Variants in DNAAF9 observed in about 807,000 individuals in gnomAD.
The protein encoded by DNAAF9 is dynein axonemal assembly factor 9, also known as shulin.
A neutral mutation model predicts 167.0 loss-of-function variants in DNAAF9; 90 were observed. The ratio of observed to expected loss-of-function variants is 0.54; its 90% CI spans 0.45 to 0.64. The LOEUF (loss-of-function observed/expected upper bound fraction) is 0.64. DNAAF9 is among the 30% of genes least tolerant of loss of function. DNAAF9 has a pLI of 0.00. For synonymous variants in DNAAF9, 491 were observed against 508.8 expected, an observed-to-expected ratio of 0.96 and a Z score of 0.47; for missense variants, 1,315 against 1,442.2, an observed-to-expected ratio of 0.91 and a Z score of 1.43.
intron 17 of DNAAF9, among the ~76,000 whole-genome samples, chr20:3,317,245 C>T (rs2069519075): frequency 6.6e-6 from 1 of 151,362 alleles, no homozygotes; most frequent in Non-Finnish European, 1.5e-5. Flanking sequence ...TCTGTGGTCC[C>T]TGCTACTTGG....
chr20:3,319,082 C>CAAAAAAAAAAAAAAA (rs71195834), intron 16 of DNAAF9, among the ~76,000 whole-genome samples: 3 of 71,136 alleles, frequency 4.2e-5, no homozygotes, highest in African/African-American at 6.2e-5. Context: ...GACTCTGTCT[C>CAAAAAAAAAAAAAAA]AAAAAAAAAA....
In DNAAF9 at chr20:3,322,669, A is replaced by G; in HGVS notation, c.1293T>C (p.Ala431=). ...ATACGCACCTTCCCTGATTATTCAC[A>G]GCATGTATATGAAAAGTCATCTTGG... ...LRSKMTFHIH[A]VNNQGRIVPL... Residue 431 remains alanine, a synonymous_variant, in exon 15 of 37, where the codon GCT becomes GCC. Coordinates refer to ENST00000252032, the MANE Select transcript of DNAAF9 (RefSeq NM_001009984.3). 1 of 1,613,122 alleles carries G rather than the reference A, an allele frequency of 6.2e-7. No individual in the cohort carries two copies. The highest frequency in any genetic ancestry group is 8.5e-7 in the Non-Finnish European group (1 of 1,179,030).
intron 7 of DNAAF9, among the ~76,000 whole-genome samples, chr20:3,354,943 C>T (rs112535499): frequency 5.3e-5 from 8 of 152,274 alleles, no homozygotes; most frequent in African/African-American, 1.4e-4. Context: ...TGCATGATGT[C>T]GCTGCTGTTC....
At chr20:3,382,389 G>A (rs1029784833) in intron 2 of DNAAF9, 38 bp downstream of exon 2, 51 of 1,539,272 alleles carry the variant, frequency 3.3e-5, no homozygotes, top group Non-Finnish European at 3.8e-5. Context: ...AAGCCAAGTT[G>A]CCCAAGCCCT....
At chr20:3,293,839 T>C (rs2069013339) in intron 25 of DNAAF9, among the ~76,000 whole-genome samples, 1 of 152,112 alleles carries the variant, frequency 6.6e-6, no homozygotes, top group South Asian at 2.1e-4. Flanking sequence ...GAAGAGCTGA[T>C]GGCATGAAAG....
chr20:3,364,363 C>T (rs1207964142), intron 6 of DNAAF9, among the ~76,000 whole-genome samples: 3 of 152,050 alleles, frequency 2.0e-5, no homozygotes, highest in Admixed American at 2.0e-4. Context: ...TATTCTTATG[C>T]TTTGTTCTGG....
At chr20:3,377,175 G>A (rs1447532137) in intron 3 of DNAAF9, among the ~76,000 whole-genome samples, 1 of 152,192 alleles carries the variant, frequency 6.6e-6, no homozygotes, top group Non-Finnish European at 1.5e-5. Flanking sequence ...AAAGCCTCCA[G>A]GTAGCAGGCT....
chr20:3,324,056 C>A (rs1453799044), intron 14 of DNAAF9, among the ~76,000 whole-genome samples: 2 of 152,176 alleles, frequency 1.3e-5, no homozygotes, highest in African/African-American at 4.8e-5. Context: ...CAGCAAGATC[C>A]AGAAGACCCA....
At chr20:3,287,582 C>T (rs1475032821) in intron 27 of DNAAF9, 50 bp downstream of exon 27, 15 of 1,575,518 alleles carry the variant, frequency 9.5e-6, no homozygotes, top group Non-Finnish European at 1.3e-5. Flanking sequence ...AGAGTAATGG[C>T]AAGGTCATCA....
At chr20:3,299,239 T>C (rs1303207072) in intron 21 of DNAAF9, among the ~76,000 whole-genome samples, 2 of 152,136 alleles carry the variant, frequency 1.3e-5, no homozygotes, top group Non-Finnish European at 2.9e-5. Context: ...TAATTTATTG[T>C]ACAGGGTATA....
chr20:3,284,985 G>C (rs1223922275), intron 27 of DNAAF9, among the ~76,000 whole-genome samples: 3 of 152,112 alleles, frequency 2.0e-5, no homozygotes, highest in South Asian at 4.2e-4. Flanking sequence ...CCCTTGTGTT[G>C]CCCTTTTATA....
chr20:3,329,633 G>A (rs1465126787), intron 12 of DNAAF9, among the ~76,000 whole-genome samples: 1 of 152,104 alleles, frequency 6.6e-6, no homozygotes, highest in Non-Finnish European at 1.5e-5. Flanking sequence ...TGTAATCCTG[G>A]GATTGGGCCT....
intron 28 of DNAAF9, among the ~76,000 whole-genome samples, chr20:3,279,983 T>C (rs902768139): frequency 1.7e-4 from 26 of 152,226 alleles, no homozygotes; most frequent in African/African-American, 6.3e-4. Flanking sequence ...ATCTTCATCC[T>C]TTTATTTGAT....
rs140170332 is a variant in DNAAF9, at chr20:3,254,358, C to T, written c.3328-539G>A. Among the ~76,000 whole-genome samples the T allele has an allele frequency of 7.7e-4, 117 of 152,324 alleles. 1 individual carries two copies. The highest frequency in any genetic ancestry group is 5.4e-3 in the East Asian group (28 of 5,182). On this transcript the variant is annotated intron_variant, in intron 35 of 36. Coordinates refer to ENST00000252032, the MANE Select transcript of DNAAF9 (RefSeq NM_001009984.3). ...CCTCCCAAAGTGCTGGGATTACAGG[C>T]GTGAGCCACCATGCCCGGCCACAAA...
intron 6 of DNAAF9, chr20:3,360,193 T>C (rs1458352362): frequency 6.6e-6 from 1 of 152,226 alleles, no homozygotes; most frequent in East Asian, 1.9e-4. Context: ...TCACTTCATT[T>C]TATTTTTGGT....
chr20:3,296,987 C>T (rs1187723037), intron 22 of DNAAF9, 38 bp from the exon 23 acceptor site: 8 of 1,215,470 alleles, frequency 6.6e-6, no homozygotes, highest in East Asian at 2.3e-5. Context: ...ACACTTTAAA[C>T]CCAACAACAG....
At chr20:3,347,587 T>C (rs375977959) in intron 8 of DNAAF9, among the ~76,000 whole-genome samples, 1 of 152,182 alleles carries the variant, frequency 6.6e-6, no homozygotes, top group South Asian at 2.1e-4. Context: ...GAAAGGTAAT[T>C]GATTGTTTAA....
chr20:3,306,699 T>G (rs2069302384), intron 20 of DNAAF9, among the ~76,000 whole-genome samples: 1 of 152,132 alleles, frequency 6.6e-6, no homozygotes, highest in South Asian at 2.1e-4. Context: ...AAAGCCCAGC[T>G]GTGGTGAATC....
At chr20:3,263,684 C>T (rs1250796076) in intron 31 of DNAAF9, among the ~76,000 whole-genome samples, 1 of 152,212 alleles carries the variant, frequency 6.6e-6, no homozygotes, top group Non-Finnish European at 1.5e-5. Context: ...CAGCACTGTT[C>T]AACAGAGCCT....
Sources: gnomAD v4.1 joint callset for allele counts (sites outside exome capture counted in the v4.1 genomes callset) on GRCh38, gnomAD v4.1.1 for gene constraint, MANE v1.5 for transcripts, NCBI Gene and HGNC (gene_info 2026-07-23, HGNC 2026-07-21) for gene names.